Variants in NGDN observed in about 807,000 individuals in gnomAD.
The protein encoded by NGDN is neuroguidin, also known as EIF4E-binding protein.
NGDN carries 41 observed loss-of-function variants against 45.2 expected under a neutral mutation model. The observed-to-expected ratio is 0.91, with a 90% CI of 0.71 to 1.18. NGDN has a LOEUF of 1.18. Ranked by LOEUF, NGDN falls within the 50% of genes most tolerant of loss-of-function variation. The pLI is 0.00. For missense variants in NGDN, 402 were observed against 399.9 expected (o/e 1.01, Z -0.05); for synonymous variants, 137 against 130.9 (o/e 1.05, Z -0.32).
chr14:23,470,846 A>T, intron 2 of NGDN, 60 bp from the exon 3 acceptor site: 1 of 1,357,174 alleles, frequency 7.4e-7, no homozygotes, highest in Non-Finnish European at 1.0e-6. Flanking sequence ...TTTGCTCTTC[A>T]CAGTTTGCAG....
chr14:23,477,547 T>C lies in NGDN; in HGVS notation c.915T>C (p.Gly305=). The change falls in exon 10 of 11, where the codon GGT becomes GGC. Residue 305 remains glycine (G), a synonymous_variant. Transcript: ENST00000408901. The part of the protein sequence containing the change: ...IKKRKKIPQK[G]RKKKGFRRRR ...AGCGGAAGAAGATACCTCAGAAAGG[T>C]CGGAAGAAAAAAGGTCAGTGAACTG... The C allele has an allele frequency of 1.2e-6, 2 of 1,614,038 alleles. No individual in the cohort carries two copies. The highest frequency in any genetic ancestry group is 1.7e-6 in the Non-Finnish European group (2 of 1,179,996).
chr14:23,478,159 G>A lies in NGDN; in HGVS notation c.*133G>A. The A allele has an allele frequency of 1.1e-6, 1 of 891,172 alleles. No homozygotes were observed. The highest frequency in any genetic ancestry group is 1.7e-6 in the Non-Finnish European group (1 of 571,922). 55.2% of individuals were successfully genotyped at this position (891,172 alleles called of 1,614,324 possible). On this transcript the variant is annotated 3_prime_UTR_variant, in exon 11 of 11. Coordinates refer to ENST00000408901, the MANE Select transcript of NGDN (RefSeq NM_001042635.2). ...TGGAAAGAGCCTTACTAATAAAATT[G>A]ATTTTGCTTATGAATTAAAGCCCCT...
intron 3 of NGDN, among the ~76,000 whole-genome samples, chr14:23,474,763 C>T (rs1893858661): frequency 6.6e-6 from 1 of 152,150 alleles, no homozygotes; most frequent in Admixed American, 6.5e-5. Flanking sequence ...TCTGTGGAGA[C>T]ATTTTTGATT....
intron 7 of NGDN, 39 bp from the exon 8 acceptor site, chr14:23,476,200 C>T: frequency 6.2e-7 from 1 of 1,613,910 alleles, no homozygotes; most frequent in Non-Finnish European, 8.5e-7. Flanking sequence ...TTTCTCTTTT[C>T]TCTGTTCTTG....
intron 3 of NGDN, 74 bp downstream of exon 3, chr14:23,471,051 G>T: frequency 9.8e-7 from 1 of 1,021,382 alleles, no homozygotes; most frequent in South Asian, 1.9e-5. Flanking sequence ...TGTTTATTGT[G>T]TCTTATATAT....
intron 3 of NGDN, among the ~76,000 whole-genome samples, chr14:23,474,684 A>G (rs1893857202): frequency 6.6e-6 from 1 of 152,188 alleles, no homozygotes; most frequent in South Asian, 2.1e-4. Context: ...TTTTACCTGT[A>G]TCATATAATT....
chr14:23,471,584 T>G (rs1893778787), intron 3 of NGDN: 5 of 152,384 alleles, frequency 3.3e-5, no homozygotes, highest in Admixed American at 3.3e-4. Flanking sequence ...TTCAGGAGGC[T>G]GAGGCTGGAG....
Position 23,475,570 on chromosome 14 carries a change from C to T in NGDN, c.295C>T (p.Leu99Phe), listed in dbSNP as rs754489356. 2 of 1,613,962 alleles carry T rather than the reference C, an allele frequency of 1.2e-6. No individual in the cohort carries two copies. Among genetic ancestry groups the T allele is most frequent in the Non-Finnish European group, 8.5e-7 (1 of 1,179,962 alleles). The change falls in exon 5 of 11, where the codon CTT (leucine) becomes TTT (phenylalanine). Residue 99 changes from leucine to phenylalanine, a missense_variant. Leu to Phe is a conservative substitution (Grantham distance 22). Transcript: ENST00000408901. Reference sequence around the variant, plus strand: ...TACCATGTTGTAGGTTTTGGAAAAGCTTCGTCCCTTGGACCAAAAGCTGAA... The same window carrying T: ...TACCATGTTGTAGGTTTTGGAAAAGTTTCGTCCCTTGGACCAAAAGCTGAA... The part of the protein sequence containing the change: ...LVEIRTVLEK[L>F]RPLDQKLKYQ...
chr14:23,470,024 C>G lies in NGDN; in HGVS notation c.13-18C>G, dbSNP rs761279270. 1.2e-6 allele frequency: 2 copies of G among 1,613,350 alleles called. No homozygotes were observed. Among genetic ancestry groups the G allele is most frequent in the Non-Finnish European group, 1.7e-6 (2 of 1,179,398 alleles). ...AGGAAAGAATGACTTTTCTTTACGC[C>G]TCCTCTCCCTTCTGTAGGGGGTGCT... On this transcript the variant is annotated intron_variant, in intron 1 of 10. Transcript: ENST00000408901.
At chr14:23,472,145 A>G (rs1893792667) in intron 3 of NGDN, among the ~76,000 whole-genome samples, 1 of 147,922 alleles carries the variant, frequency 6.8e-6, no homozygotes, top group Non-Finnish European at 1.5e-5. Flanking sequence ...CGGTCGCACC[A>G]TCGCACTGCA....
intron 2 of NGDN, among the ~76,000 whole-genome samples, chr14:23,470,458 T>G (rs1456266586): frequency 1.3e-5 from 2 of 152,214 alleles, no homozygotes; most frequent in Non-Finnish European, 2.9e-5. Flanking sequence ...CCATTGTAAT[T>G]CGAAAACCTC....
At chr14:23,474,471 C>T (rs1318247472) in intron 3 of NGDN, among the ~76,000 whole-genome samples, 1 of 152,108 alleles carries the variant, frequency 6.6e-6, no homozygotes, top group Non-Finnish European at 1.5e-5. Flanking sequence ...CTCTAAAGTA[C>T]ACCATTTCTT....
intron 9 of NGDN, 53 bp downstream of exon 9, chr14:23,477,409 A>T: frequency 1.2e-6 from 2 of 1,612,408 alleles, no homozygotes; most frequent in African/African-American, 1.3e-5. Flanking sequence ...TTTCAGCAAA[A>T]TGTATGTGGG....
chr14:23,475,163 C>G lies in NGDN; in HGVS notation c.145-8C>G, dbSNP rs763983832. On this transcript the variant is annotated splice_polypyrimidine_tract_variant and splice_region_variant and intron_variant, in intron 3 of 10. Coordinates refer to ENST00000408901, the MANE Select transcript of NGDN (RefSeq NM_001042635.2). ...AATCTGTTTTTCTTTCTGTTTTGTT[C>G]AACTCAGGGTCTCAGCTTCTTGGAA... is the stretch of plus-strand genomic sequence containing the variant. 3 of 1,604,306 alleles carry G rather than the reference C, an allele frequency of 1.9e-6. No homozygotes were observed. Among genetic ancestry groups the G allele is most frequent in the East Asian group, 4.5e-5 (2 of 44,794 alleles).
At chr14:23,473,617 G>A (rs1460683369) in intron 3 of NGDN, among the ~76,000 whole-genome samples, 2 of 151,814 alleles carry the variant, frequency 1.3e-5, no homozygotes, top group South Asian at 2.1e-4. Context: ...ACGAGGTCAG[G>A]AGTTCGAGAC....
chr14:23,476,786 T>TGCTA (rs1285307738), intron 8 of NGDN, among the ~76,000 whole-genome samples: 1 of 152,218 alleles, frequency 6.6e-6, no homozygotes, highest in Non-Finnish European at 1.5e-5. Flanking sequence ...ACATTGTGAG[T>TGCTA]GCTAGATAAG....
chr14:23,469,839 C>T, intron 1 of NGDN, 112 bp downstream of exon 1: 2 of 1,451,642 alleles, frequency 1.4e-6, no homozygotes, highest in South Asian at 1.2e-5. Context: ...AAAGTTGCTT[C>T]AGGGAGGCGG....
chr14:23,475,982 T>C (rs1390111740), intron 6 of NGDN, 47 bp from the exon 7 acceptor site: 1 of 1,612,900 alleles, frequency 6.2e-7, no homozygotes, highest in South Asian at 1.1e-5. Flanking sequence ...TCTTCTCACT[T>C]ATCTCATGAA....
intron 3 of NGDN, among the ~76,000 whole-genome samples, chr14:23,473,623 G>C (rs538479966): frequency 6.6e-6 from 1 of 151,412 alleles, no homozygotes; most frequent in Non-Finnish European, 1.5e-5. Flanking sequence ...TCAGGAGTTC[G>C]AGACCAGCCT....
Sources: gnomAD v4.1 joint callset for allele counts (sites outside exome capture counted in the v4.1 genomes callset) on GRCh38, gnomAD v4.1.1 for gene constraint, MANE v1.5 for transcripts, NCBI Gene and HGNC (gene_info 2026-07-23, HGNC 2026-07-21) for gene names.